The following ITPR2 variants were observed in gnomAD, a reference collection of about 807,000 sequenced individuals.
The protein encoded by ITPR2 is inositol 1,4,5-trisphosphate-gated calcium channel ITPR2.
ITPR2 carries 207 observed loss-of-function variants against 317.1 expected under a neutral mutation model. The observed-to-expected ratio is 0.65, with a 90% CI of 0.58 to 0.73. ITPR2 has a LOEUF of 0.73. ITPR2 is among the 30% of genes least tolerant of loss of function. The pLI is 0.00. For missense variants in ITPR2, 2,613 were observed against 3,284.0 expected (o/e 0.80, Z 4.99); for synonymous variants, 1,156 against 1,149.1 (o/e 1.01, Z -0.12).
intron 13 of ITPR2, among the ~76,000 whole-genome samples, chr12:26,672,076 C>A (rs1383736409): frequency 6.6e-6 from 1 of 152,112 alleles, no homozygotes; most frequent in African/African-American, 2.4e-5. Flanking sequence ...TACAAAGAGA[C>A]TTAGACTCCC....
intron 2 of ITPR2, among the ~76,000 whole-genome samples, chr12:26,786,612 T>C (rs1950256315): frequency 6.6e-6 from 1 of 151,984 alleles, no homozygotes; most frequent in East Asian, 1.9e-4. Flanking sequence ...AATTGTTTAT[T>C]TGGTAAAACT....
intron 46 of ITPR2, among the ~76,000 whole-genome samples, chr12:26,443,260 C>T (rs1039860621): frequency 8.5e-5 from 13 of 152,206 alleles, no homozygotes; most frequent in Admixed American, 5.9e-4. Context: ...ATCTCTCAAA[C>T]GCTATTGCTC....
chr12:26,445,791 G>A (rs1034460321), intron 45 of ITPR2, among the ~76,000 whole-genome samples: 2 of 152,128 alleles, frequency 1.3e-5, no homozygotes, highest in African/African-American at 4.8e-5. Context: ...CAGCTCTTGA[G>A]GACTGCAGGT....
At chr12:26,451,845 G>A (rs1565534350) in intron 45 of ITPR2, among the ~76,000 whole-genome samples, 1 of 152,144 alleles carries the variant, frequency 6.6e-6, no homozygotes, top group Non-Finnish European at 1.5e-5. Flanking sequence ...CACAAAAAAT[G>A]CACTTTAAAA....
intron 54 of ITPR2, among the ~76,000 whole-genome samples, chr12:26,389,891 T>C (rs1434607995): frequency 2.0e-5 from 3 of 152,198 alleles, no homozygotes; most frequent in East Asian, 3.8e-4. Context: ...GGATAAAAAT[T>C]TATTACATTT....
At chr12:26,728,991 G>C (rs1189125442) in intron 2 of ITPR2, among the ~76,000 whole-genome samples, 1 of 152,122 alleles carries the variant, frequency 6.6e-6, no homozygotes, top group African/African-American at 2.4e-5. Flanking sequence ...CCATTCTGTA[G>C]GTTGTCTGTT....
chr12:26,828,605 T>G (rs1452565481), intron 1 of ITPR2, among the ~76,000 whole-genome samples: 1 of 152,210 alleles, frequency 6.6e-6, no homozygotes, highest in East Asian at 1.9e-4. Flanking sequence ...TCCATGGCCT[T>G]AATTAAGCCA....
intron 26 of ITPR2, among the ~76,000 whole-genome samples, chr12:26,619,837 T>C (rs1946454750): frequency 6.6e-6 from 1 of 152,218 alleles, no homozygotes; most frequent in African/African-American, 2.4e-5. Flanking sequence ...ACCACGTGCA[T>C]AGGGTTTCCT....
intron 26 of ITPR2, among the ~76,000 whole-genome samples, chr12:26,613,538 T>C (rs1336835833): frequency 6.7e-6 from 1 of 149,782 alleles, no homozygotes; most frequent in Non-Finnish European, 1.5e-5. Context: ...TAAGCTGGAT[T>C]CTGAGTTTTG....
chr12:26,616,752 T>C (rs1946382114), intron 26 of ITPR2, among the ~76,000 whole-genome samples: 1 of 152,174 alleles, frequency 6.6e-6, no homozygotes, highest in South Asian at 2.1e-4. Context: ...ATTTGAACTG[T>C]GCAGGTCCAC....
chr12:26,655,976 G>T, intron 19 of ITPR2, 124 bp from the exon 20 acceptor site: 1 of 924,268 alleles, frequency 1.1e-6, no homozygotes, highest in Non-Finnish European at 1.6e-6. Flanking sequence ...TAGAGGCTGG[G>T]TCCTCATCTG....
At chr12:26,808,238 C>T (rs1950672051) in intron 1 of ITPR2, among the ~76,000 whole-genome samples, 1 of 152,134 alleles carries the variant, frequency 6.6e-6, no homozygotes, top group East Asian at 1.9e-4. Context: ...CCAGTTGTAC[C>T]TAAAGCCAGA....
intron 45 of ITPR2, among the ~76,000 whole-genome samples, chr12:26,456,677 A>G (rs1048484528): frequency 3.3e-5 from 5 of 151,350 alleles, no homozygotes; most frequent in African/African-American, 1.2e-4. Flanking sequence ...TCTAGTAACA[A>G]TTTTTTTTCT....
intron 55 of ITPR2, among the ~76,000 whole-genome samples, chr12:26,375,672 A>G (rs1376772790): frequency 6.6e-6 from 1 of 152,228 alleles, no homozygotes; most frequent in African/African-American, 2.4e-5. Flanking sequence ...TGAATTTCTC[A>G]GTCTATATAG....
At chr12:26,356,141 A>G (rs1231076653) in intron 55 of ITPR2, among the ~76,000 whole-genome samples, 1 of 152,204 alleles carries the variant, frequency 6.6e-6, no homozygotes, top group African/African-American at 2.4e-5. Context: ...AGCAATGACA[A>G]CTGTCTTGCT....
chr12:26,523,643 T>C (rs1485161297), intron 37 of ITPR2, among the ~76,000 whole-genome samples: 1 of 152,082 alleles, frequency 6.6e-6, no homozygotes, highest in Non-Finnish European at 1.5e-5. Flanking sequence ...ATGCTTAAAC[T>C]CAGCTCTTCA....
In ITPR2 at chr12:26,628,173, C is replaced by T; in HGVS notation, c.2935-11G>A. 6.4e-7 allele frequency: 1 copy of T among 1,574,390 alleles called. No individual in the cohort carries two copies. The highest frequency in any genetic ancestry group is 8.6e-7 in the Non-Finnish European group (1 of 1,158,650). ...GACACTCAGGATAAACTATAAGAAACATTAAGAACAACATAAATTTCTTTC... is the reference window on the plus strand; with the variant it reads ...GACACTCAGGATAAACTATAAGAAATATTAAGAACAACATAAATTTCTTTC... On this transcript the variant is annotated splice_polypyrimidine_tract_variant and intron_variant, in intron 22 of 56. Transcript: ENST00000381340.
chr12:26,443,450 A>C, intron 46 of ITPR2, 93 bp downstream of exon 46: 1 of 959,512 alleles, frequency 1.0e-6, no homozygotes, highest in South Asian at 1.6e-5. Flanking sequence ...CTTCTGCATC[A>C]TTGCTCTAGA....
At chr12:26,350,549 G>T (rs1487939661) in intron 55 of ITPR2, among the ~76,000 whole-genome samples, 1 of 152,128 alleles carries the variant, frequency 6.6e-6, no homozygotes, top group Non-Finnish European at 1.5e-5. Flanking sequence ...ATAGCACCAA[G>T]TCTGAAAGCA....
Sources: allele counts gnomAD v4.1 joint callset (sites outside exome capture counted in the v4.1 genomes callset), GRCh38; gene constraint gnomAD v4.1.1; transcripts MANE v1.5; gene names NCBI Gene and HGNC (gene_info 2026-07-23, HGNC 2026-07-21).